SMCR8: variants seen among roughly 807,000 people sequenced by gnomAD.
SMCR8 encodes the protein SMCR8-C9orf72 complex subunit.
In SMCR8, 30 loss-of-function variants were observed where a neutral mutation model predicts 56.6. That is an observed-to-expected ratio of 0.53 (90% CI 0.40 to 0.72). SMCR8 has a LOEUF of 0.72. Ranked by LOEUF, SMCR8 falls within the 30% of genes least tolerant of loss-of-function variation. The probability of loss-of-function intolerance (pLI) is 0.00; values close to 1 mark genes in which losing one functional copy is unlikely to be tolerated. For missense variants in SMCR8, 1,198 were observed against 1,157.0 expected, an observed-to-expected ratio of 1.04 and a Z score of -0.51; for synonymous variants, 538 against 456.0, an observed-to-expected ratio of 1.18 and a Z score of -2.29.
Position 18,317,336 on chromosome 17 carries a change from G to T in SMCR8, c.1547G>T (p.Ser516Ile). 1 of 1,614,132 alleles carries T rather than the reference G, an allele frequency of 6.2e-7. No homozygotes were observed. The highest frequency in any genetic ancestry group is 8.5e-7 in the Non-Finnish European group (1 of 1,180,028). The change falls in exon 1 of 2, where the codon AGT becomes ATT. Residue 516 changes from serine to isoleucine, a missense_variant. Ser to Ile is a moderately radical substitution (Grantham distance 142). Transcript: ENST00000406438. ...AGCCACAGGACCATCAGCGAGGACA[G>T]TATTGAAGTCCTCAGTACCTGCCCC... Reference protein sequence around the residue: ...AVSHRTISEDSIEVLSTCPSE... With the variant: ...AVSHRTISEDIIEVLSTCPSE...
intron 1 of SMCR8, among the ~76,000 whole-genome samples, chr17:18,320,473 G>A (rs1982464984): frequency 6.6e-6 from 1 of 152,192 alleles, no homozygotes; most frequent in East Asian, 1.9e-4. Context: ...AGAGACGGAG[G>A]GGCAAAAAGG....
Position 18,323,048 on chromosome 17 carries a change from C to T in SMCR8, c.2792C>T (p.Pro931Leu). Residue 931 changes from proline (P) to leucine (L), a missense_variant, in exon 2 of 2, where the codon CCC becomes CTC. Coordinates refer to ENST00000406438, the MANE Select transcript of SMCR8 (RefSeq NM_144775.3). ...CCCATGCTCAGGTTTGACTATGTCC[C>T]CAGCTTTTTGTATAAAATCTGAGGT... Reference protein sequence around the residue: ...SHPMLRFDYVPSFLYKI With the variant: ...SHPMLRFDYVLSFLYKI The T allele has an allele frequency of 1.9e-6, 3 of 1,613,488 alleles. No homozygotes were observed. Among genetic ancestry groups the T allele is most frequent in the Non-Finnish European group, 2.5e-6 (3 of 1,179,612 alleles).
In SMCR8 at chr17:18,317,562, C is replaced by T. The variant is rs148166987; in HGVS notation, c.1773C>T (p.Ser591=). 9.4e-5 allele frequency: 151 copies of T among 1,614,104 alleles called. No individual in the cohort carries two copies. In the African/African-American group the frequency reaches 1.7e-3, roughly 18 times the overall value. Residue 591 remains serine (S), a synonymous_variant, in exon 1 of 2, where the codon AGC becomes AGT. Transcript: ENST00000406438. ...CCTCCTGCTGTATTGGGAAGGAGAG[C>T]GATGGTCAGTTGGTGCTGCCCTCCA... The part of the protein sequence containing the change: ...IDSSCCIGKE[S]DGQLVLPSTP...
At chr17:18,321,222 C>G (rs1024609445) in intron 1 of SMCR8, among the ~76,000 whole-genome samples, 6 of 152,260 alleles carry the variant, frequency 3.9e-5, no homozygotes, top group African/African-American at 1.4e-4. Context: ...TGTCTGGGCC[C>G]TACAGGGCAG....
intron 1 of SMCR8, among the ~76,000 whole-genome samples, chr17:18,321,972 AAG>A (rs577120608): frequency 6.6e-5 from 10 of 152,042 alleles, no homozygotes; most frequent in African/African-American, 1.4e-4. Flanking sequence ...AGCTAAGTAC[AAG>A]AGAGAGAGGT....
rs553427656 is a variant in SMCR8, at chr17:18,322,524, C to T, written c.2361-93C>T. On this transcript the variant is annotated intron_variant, in intron 1 of 1. Transcript: ENST00000406438. ...CCAGTGCATGCTGGCTAGGTGGATG[C>T]TGGCCTGGGGACAGGAGGCCTCACC... is the stretch of plus-strand genomic sequence containing the variant. 159 of 1,154,962 alleles carry T rather than the reference C, an allele frequency of 1.4e-4. 1 individual carries two copies. The South Asian group carries it at 2.0e-3, about 14-fold the overall frequency. The allele number at this position is 1,154,962 out of a possible 1,614,324, so 71.5% of individuals were successfully genotyped here. A position where few individuals can be genotyped will look rare whatever the true frequency, so the allele number is the denominator to read the frequency against.
rs376800715 is a variant in SMCR8 at position 18,315,947 on chromosome 17, T to A, written c.158T>A (p.Phe53Tyr). 2 of 1,613,974 alleles carry A rather than the reference T, an allele frequency of 1.2e-6. No homozygotes were observed. Among genetic ancestry groups the A allele is most frequent in the African/African-American group, 2.7e-5 (2 of 74,888 alleles). ...NPWSKLSGAK[F>Y]SRDFILISEF... ...TGGTCAAAACTGTCCGGGGCCAAGT[T>A]TTCGAGGGACTTCATTCTTATTTCC... The change falls in exon 1 of 2, where the codon TTT becomes TAT. Residue 53 changes from phenylalanine to tyrosine, a missense_variant. Coordinates refer to ENST00000406438, the MANE Select transcript of SMCR8 (RefSeq NM_144775.3).
chr17:18,321,169 G>A (rs1354124100), intron 1 of SMCR8, among the ~76,000 whole-genome samples: 11 of 152,228 alleles, frequency 7.2e-5, no homozygotes, highest in Non-Finnish European at 1.0e-4. Context: ...CCAAGTCACC[G>A]TCAGTCCTTC....
Position 18,315,571 on chromosome 17 carries a change from G to A in SMCR8, c.-219G>A. On this transcript the variant is annotated 5_prime_UTR_variant, in exon 1 of 2. It removes an upstream start codon present in the reference 5' UTR. Transcript: ENST00000406438. ...TTGGGCCTGCGGCCTTGGCGTTCAT[G>A]AGGCCTCAGAGAGCTCCGGAGGAGC... 2.0e-6 allele frequency: 1 copy of A among 506,718 alleles called. No individual in the cohort carries two copies. The highest frequency in any genetic ancestry group is 3.5e-6 in the Non-Finnish European group (1 of 287,768). The allele number at this position is 506,718 out of a possible 1,614,324, so 31.4% of individuals were successfully genotyped here.
In SMCR8 at chr17:18,317,070, C is replaced by T; in HGVS notation, c.1281C>T (p.Ile427=). The change falls in exon 1 of 2, where the codon ATC becomes ATT. Residue 427 remains isoleucine, a synonymous_variant. Transcript: ENST00000406438. ...SYKSSVESVL[I]KMEQELGDEE... is the part of the protein sequence containing the mutation. Reference sequence around the variant, plus strand: ...AGTCCAGTGTGGAGTCTGTGTTGATCAAGATGGAGCAGGAACTGGGAGATG... The same window carrying T: ...AGTCCAGTGTGGAGTCTGTGTTGATTAAGATGGAGCAGGAACTGGGAGATG... 6.2e-7 allele frequency: 1 copy of T among 1,614,064 alleles called. No individual in the cohort carries two copies.
chr17:18,317,784 G>A lies in SMCR8; in HGVS notation c.1995G>A (p.Lys665=). The A allele has an allele frequency of 6.2e-7, 1 of 1,614,140 alleles. No homozygotes were observed. The highest frequency in any genetic ancestry group is 1.1e-5 in the South Asian group (1 of 91,078). ...TGCTGGCTAGCCGGGACATCAGTAA[G>A]ACCAGCCTGGACAACTACTCAGACA... is the stretch of plus-strand genomic sequence containing the variant. ...SHLLASRDIS[K]TSLDNYSDTT... is the part of the protein sequence containing the mutation. The change falls in exon 1 of 2, where the codon AAG becomes AAA. Residue 665 remains lysine, a synonymous_variant. Coordinates refer to ENST00000406438, the MANE Select transcript of SMCR8 (RefSeq NM_144775.3).
chr17:18,324,216 G>C lies in SMCR8; in HGVS notation c.*1146G>C, dbSNP rs1182924073. On this transcript the variant is annotated 3_prime_UTR_variant, in exon 2 of 2. Coordinates refer to ENST00000406438, the MANE Select transcript of SMCR8 (RefSeq NM_144775.3). ...ATGAGCTACCACGTGGCGCTCTTCA[G>C]GTTCTGCCTCTGGGAGGCTGTGTGC... is the stretch of plus-strand genomic sequence containing the variant. The C allele has an allele frequency of 6.6e-6, 1 of 152,264 alleles. No individual in the cohort carries two copies. Among genetic ancestry groups the C allele is most frequent in the Non-Finnish European group, 1.5e-5 (1 of 68,060 alleles). The allele number at this position is 152,264 out of a possible 1,614,324, so 9.4% of individuals were successfully genotyped here.
At position 18,316,873 on chromosome 17, in the gene SMCR8, C is replaced by G. The variant is rs1255032410; in HGVS notation, c.1084C>G (p.Leu362Val). ...GACCAGTCAGATTGATAGAGCACTT[C>G]TAAAACAACAGCATATAACAAACTT... Reference protein sequence around the residue: ...LLTSQIDRALLKQQHITNFLF... With the variant: ...LLTSQIDRALVKQQHITNFLF... Residue 362 changes from leucine to valine, a missense_variant, in exon 1 of 2, where the codon CTA becomes GTA. Leu to Val is a conservative substitution (Grantham distance 32, BLOSUM62 1). Transcript: ENST00000406438. 3.1e-6 allele frequency: 5 copies of G among 1,614,088 alleles called. No homozygotes were observed. In the African/African-American group the frequency reaches 5.3e-5, roughly 17 times the overall value.
chr17:18,316,087 C>T lies in SMCR8; in HGVS notation c.298C>T (p.Gln100Ter). The change falls in exon 1 of 2, where the codon CAG becomes TAG. Residue 100 changes from glutamine to a stop codon, truncating the protein, a stop_gained. Transcript: ENST00000406438. LOFTEE classifies it high-confidence loss of function. The stretch of plus-strand genomic sequence containing the variant: ...CCTGCGTATCATGTCTGTGGATTAC[C>T]AGGCTTCCTTCGTGGGCCATCCTCC... The part of the protein sequence containing the change: ...FSLRIMSVDY[Q>*]ASFVGHPPGS... The T allele has an allele frequency of 6.2e-7, 1 of 1,614,138 alleles. No individual in the cohort carries two copies. The highest frequency in any genetic ancestry group is 8.5e-7 in the Non-Finnish European group (1 of 1,180,030).
chr17:18,322,363 C>CA (rs1294870081), intron 1 of SMCR8, among the ~76,000 whole-genome samples: 4 of 152,022 alleles, frequency 2.6e-5, no homozygotes, highest in African/African-American at 9.7e-5. Flanking sequence ...GCCATGGCTC[C>CA]AAAAAAGAGT....
chr17:18,322,114 G>A (rs767666964), intron 1 of SMCR8, among the ~76,000 whole-genome samples: 1 of 152,178 alleles, frequency 6.6e-6, no homozygotes, highest in East Asian at 1.9e-4. Context: ...TGGGTTCACA[G>A]CATTCTCCTG....
In SMCR8 at chr17:18,322,688, A is replaced by G. The variant is rs1443911667; in HGVS notation, c.2432A>G (p.Asp811Gly). ...SRYSRYTSILDLDNKTLRCPL... is the reference protein window; with the variant it reads ...SRYSRYTSILGLDNKTLRCPL... ...TACAGCCGCTACACGAGCATCCTGGACCTTGACAACAAAACCCTGCGCTGC... is the reference window on the plus strand; with the variant it reads ...TACAGCCGCTACACGAGCATCCTGGGCCTTGACAACAAAACCCTGCGCTGC... The change falls in exon 2 of 2, where the codon GAC becomes GGC. Residue 811 changes from aspartate (D) to glycine (G), a missense_variant. Coordinates refer to ENST00000406438, the MANE Select transcript of SMCR8 (RefSeq NM_144775.3). 6.2e-7 allele frequency: 1 copy of G among 1,614,032 alleles called. No homozygotes were observed. The highest frequency in any genetic ancestry group is 8.5e-7 in the Non-Finnish European group (1 of 1,180,032).
chr17:18,315,646 G>A lies in SMCR8; in HGVS notation c.-144G>A, dbSNP rs1165726685. On this transcript the variant is annotated 5_prime_UTR_variant, in exon 1 of 2. Coordinates refer to ENST00000406438, the MANE Select transcript of SMCR8 (RefSeq NM_144775.3). ...GTTCTTCTCCTCGGGTGTGTGAGAA[G>A]CAGCCTAGGACCCCGGGTTCGGGGA... 2.5e-5 allele frequency: 18 copies of A among 713,356 alleles called. No homozygotes were observed. In the East Asian group the frequency reaches 3.9e-4, roughly 15 times the overall value. The allele number at this position is 713,356 out of a possible 1,614,324, so 44.2% of individuals were successfully genotyped here. A position where few individuals can be genotyped will look rare whatever the true frequency, so the allele number is the denominator to read the frequency against.
intron 1 of SMCR8, among the ~76,000 whole-genome samples, chr17:18,322,042 C>T (rs531124411): frequency 1.0e-3 from 157 of 152,220 alleles, no homozygotes; most frequent in African/African-American, 3.6e-3. Flanking sequence ...GACAGAGTCT[C>T]GCTCTGTTGC....
Sources: allele counts gnomAD v4.1 joint callset (sites outside exome capture counted in the v4.1 genomes callset), GRCh38; gene constraint gnomAD v4.1.1; transcripts MANE v1.5; gene names NCBI Gene and HGNC (gene_info 2026-07-23, HGNC 2026-07-21).